Variants in PCDHGA4 observed in about 807,000 individuals in gnomAD.
PCDHGA4 encodes the protein protocadherin gamma-A4.
In PCDHGA4, 38 loss-of-function variants were observed where a neutral mutation model predicts 54.6. The ratio of observed to expected loss-of-function variants is 0.70; its 90% CI spans 0.54 to 0.91. The LOEUF is 0.91. Ranked by LOEUF, PCDHGA4 falls within the 40% of genes least tolerant of loss-of-function variation. The pLI, the probability that PCDHGA4 is intolerant of heterozygous loss-of-function variation, is 0.00. For missense variants in PCDHGA4, 1,298 were observed against 1,220.9 expected (o/e 1.06, Z -0.94); for synonymous variants, 511 against 512.9 (o/e 1.00, Z 0.05).
Position 141,486,443 on chromosome 5 carries a change from A to G in PCDHGA4, c.2515-8364A>G, listed in dbSNP as rs747419698. Reference sequence around the variant, plus strand: ...AGAGGCCAAATCTAGCTATGACATCATGGTCACTGCTTCTGATGCTGGGAA... The same window carrying G: ...AGAGGCCAAATCTAGCTATGACATCGTGGTCACTGCTTCTGATGCTGGGAA... On this transcript the variant is annotated intron_variant, in intron 1 of 3. Transcript: ENST00000571252. The surrounding 1 kb of genome is among the most constrained non-coding windows in gnomAD (Gnocchi z 5.0). The G allele has an allele frequency of 1.9e-6, 3 of 1,614,060 alleles. No individual in the cohort carries two copies. Among genetic ancestry groups the G allele is most frequent in the South Asian group, 2.2e-5 (2 of 91,080 alleles).
intron 1 of PCDHGA4, chr5:141,377,572 G>A (rs1046181930): frequency 4.6e-5 from 7 of 151,346 alleles, no homozygotes; most frequent in Admixed American, 1.3e-4. Context: ...CCCTAGCCTG[G>A]GAGACAGAAT....
chr5:141,385,225 G>C, intron 1 of PCDHGA4: 1 of 1,614,232 alleles, frequency 6.2e-7, no homozygotes, highest in Non-Finnish European at 8.5e-7. Context: ...GCCCAACTAT[G>C]TAGACATGCT....
intron 1 of PCDHGA4, chr5:141,393,251 G>T: frequency 5.6e-6 from 9 of 1,613,814 alleles, no homozygotes; most frequent in Non-Finnish European, 6.8e-6. Flanking sequence ...ACGAAATCGC[G>T]GTTCCTGGAG....
chr5:141,413,075 AG>A (rs1225722826), intron 1 of PCDHGA4: 11 of 1,246,492 alleles, frequency 8.8e-6, no homozygotes, highest in Non-Finnish European at 1.1e-5. Context: ...TAAAGTGCCC[AG>A]GCTACAGAGA....
intron 1 of PCDHGA4, chr5:141,415,094 A>T: frequency 1.9e-6 from 3 of 1,613,530 alleles, no homozygotes; most frequent in Non-Finnish European, 2.5e-6. Flanking sequence ...CTGGACAGAG[A>T]CGCGCTCAAG....
chr5:141,494,778 CA>C (rs1228639033), intron 1 of PCDHGA4, 28 bp from the exon 2 acceptor site: 1 of 1,614,086 alleles, frequency 6.2e-7, no homozygotes, highest in Admixed American at 1.7e-5. Flanking sequence ...CACGGGTACT[CA>C]GCCCCTTTCC....
intron 1 of PCDHGA4, chr5:141,360,183 A>G: frequency 6.2e-7 from 1 of 1,611,000 alleles, no homozygotes; most frequent in Non-Finnish European, 8.5e-7. Context: ...GGCTGCAGGT[A>G]CTGTTGCCCT....
chr5:141,503,260 C>A (rs2154593294), intron 2 of PCDHGA4, among the ~76,000 whole-genome samples: 1 of 152,178 alleles, frequency 6.6e-6, no homozygotes, highest in African/African-American at 2.4e-5. Flanking sequence ...ACAGCCACAA[C>A]CCCAGCACCT....
intron 2 of PCDHGA4, among the ~76,000 whole-genome samples, chr5:141,499,612 C>T (rs1489412444): frequency 6.6e-6 from 1 of 151,968 alleles, no homozygotes; most frequent in African/African-American, 2.4e-5. Context: ...TACCCTTATC[C>T]TGTCCTTGGA....
chr5:141,375,151 T>G, intron 1 of PCDHGA4: 2 of 1,613,962 alleles, frequency 1.2e-6, no homozygotes, highest in Non-Finnish European at 1.7e-6. Context: ...GCAGAACAAT[T>G]GCTGAAAGTG....
chr5:141,427,787 C>T, intron 1 of PCDHGA4: 1 of 1,478,068 alleles, frequency 6.8e-7, no homozygotes, highest in Non-Finnish European at 9.4e-7. Flanking sequence ...CACTGTCGTC[C>T]TACGTGTCCG....
At chr5:141,478,794 G>A in intron 1 of PCDHGA4, 1 of 1,468,126 alleles carries the variant, frequency 6.8e-7, no homozygotes, top group Non-Finnish European at 9.0e-7. Flanking sequence ...CACATCCTCA[G>A]CACTCTTTTG....
At chr5:141,504,203 A>G (rs2099836487) in intron 2 of PCDHGA4, among the ~76,000 whole-genome samples, 1 of 152,248 alleles carries the variant, frequency 6.6e-6, no homozygotes, top group Non-Finnish European at 1.5e-5. Context: ...TCACTGTGGG[A>G]AAATTCCAAG....
intron 1 of PCDHGA4, chr5:141,374,459 A>C: frequency 1.9e-6 from 3 of 1,613,448 alleles, no homozygotes; most frequent in Non-Finnish European, 1.7e-6. Flanking sequence ...AATAGTGGAC[A>C]TTAATGACAA....
chr5:141,408,918 C>T, intron 1 of PCDHGA4: 1 of 1,613,408 alleles, frequency 6.2e-7, no homozygotes. Flanking sequence ...AATGATAACC[C>T]CCCGGTTTTC....
At chr5:141,372,521 G>A (rs1768831766) in intron 1 of PCDHGA4, 1 of 1,614,014 alleles carries the variant, frequency 6.2e-7, no homozygotes, top group Non-Finnish European at 8.5e-7. Flanking sequence ...CGGTGATTCT[G>A]GCAATCTCCC....
At chr5:141,360,636 A>G (rs550512719) in intron 1 of PCDHGA4, 9 of 1,614,030 alleles carry the variant, frequency 5.6e-6, no homozygotes, top group Admixed American at 5.0e-5. Context: ...CTAACTCACT[A>G]CAAAGATACC....
At chr5:141,414,583 G>A (rs570765907) in intron 1 of PCDHGA4, 1 of 1,613,736 alleles carries the variant, frequency 6.2e-7, no homozygotes, top group Non-Finnish European at 8.5e-7. Context: ...AGAGAACAAC[G>A]CCAGGGGTGC....
intron 2 of PCDHGA4, among the ~76,000 whole-genome samples, chr5:141,500,844 T>C (rs190011905): frequency 6.6e-6 from 1 of 152,204 alleles, no homozygotes; most frequent in Non-Finnish European, 1.5e-5. Flanking sequence ...AATGGGCTTT[T>C]GCTACATTAG....
Sources: gnomAD v4.1 joint callset for allele counts (sites outside exome capture counted in the v4.1 genomes callset) on GRCh38, gnomAD v4.1.1 for gene constraint, Gnocchi (gnomAD v3.1) non-coding constraint, MANE v1.5 for transcripts, NCBI Gene and HGNC (gene_info 2026-07-23, HGNC 2026-07-21) for gene names.